Variants in ARFGEF3 observed in about 807,000 individuals in gnomAD.
ARFGEF3 encodes ARFGEF family member 3, also known as brefeldin A-inhibited guanine nucleotide-exchange protein 3.
Under a neutral mutation model 221.7 loss-of-function variants are expected in ARFGEF3, and 96 were observed. That is an observed-to-expected ratio of 0.43 (90% CI 0.37 to 0.51). The LOEUF (loss-of-function observed/expected upper bound fraction) is 0.51, where lower values mean the gene tolerates loss of function less well. ARFGEF3 is among the 20% of genes least tolerant of loss of function. The pLI is 0.00. For missense variants in ARFGEF3, 2,410 were observed against 2,789.9 expected (o/e 0.86, Z 3.07); for synonymous variants, 1,145 against 1,126.8 (o/e 1.02, Z -0.32).
chr6:138,334,865 G>A lies in ARFGEF3; in HGVS notation c.6019G>A (p.Glu2007Lys), dbSNP rs1208793629. 3.1e-6 allele frequency: 5 copies of A among 1,593,580 alleles called. No individual in the cohort carries two copies. The highest frequency in any genetic ancestry group is 4.3e-6 in the Non-Finnish European group (5 of 1,170,700). Residue 2007 changes from glutamate to lysine, a missense_variant, in exon 33 of 34, where the codon GAG (glutamate) becomes AAG (lysine). This residue lies in a region of ARFGEF3 where 339 missense variants were observed against 334.9 expected (regional missense o/e 1.01). Transcript: ENST00000251691. This position sits in a 1 kb window ranked among gnomAD's most constrained non-coding sequence, Gnocchi z 5.1. ...KDPSRKKEWW[E>K]NAGNKIYTMA... is the part of the protein sequence containing the mutation. ...TCCCAGCCGGAAGAAGGAGTGGTGGGAGAATGCGGGGAACAAAATCTACAC... is the reference window on the plus strand; with the variant it reads ...TCCCAGCCGGAAGAAGGAGTGGTGGAAGAATGCGGGGAACAAAATCTACAC...
At chr6:138,193,227 TTTC>T (rs1198189002) in intron 2 of ARFGEF3, among the ~76,000 whole-genome samples, 1 of 152,196 alleles carries the variant, frequency 6.6e-6, no homozygotes, top group Non-Finnish European at 1.5e-5. Flanking sequence ...GGAATGTCCT[TTTC>T]TTCTTCACTG....
At chr6:138,220,788 G>A (rs1043205894) in intron 4 of ARFGEF3, among the ~76,000 whole-genome samples, 9 of 152,006 alleles carry the variant, frequency 5.9e-5, no homozygotes, top group Admixed American at 2.0e-4. Context: ...TAATCAACAC[G>A]TAACTGACCA....
At chr6:138,191,756 G>C (rs1326841205) in intron 2 of ARFGEF3, among the ~76,000 whole-genome samples, 1 of 152,122 alleles carries the variant, frequency 6.6e-6, no homozygotes, top group Non-Finnish European at 1.5e-5. Flanking sequence ...CCTCAAAACT[G>C]TTCTTTCAGG....
chr6:138,319,109 G>A (rs1397068555), intron 27 of ARFGEF3, among the ~76,000 whole-genome samples: 1 of 148,532 alleles, frequency 6.7e-6, no homozygotes, highest in East Asian at 2.0e-4. Flanking sequence ...ACTCCACAAT[G>A]CCCAGCTAAT....
chr6:138,224,800 CA>C (rs1241888812), intron 4 of ARFGEF3, among the ~76,000 whole-genome samples: 1 of 152,104 alleles, frequency 6.6e-6, no homozygotes, highest in Non-Finnish European at 1.5e-5. Context: ...TAAACTGTTC[CA>C]AATAAGTGCT....
intron 4 of ARFGEF3, among the ~76,000 whole-genome samples, chr6:138,228,261 C>T (rs1157128571): frequency 2.0e-5 from 3 of 148,746 alleles, no homozygotes; most frequent in Non-Finnish European, 4.5e-5. Flanking sequence ...ACTGCAACCT[C>T]CGCCTCCCGG....
At chr6:138,223,980 G>T (rs1316132814) in intron 4 of ARFGEF3, among the ~76,000 whole-genome samples, 1 of 152,142 alleles carries the variant, frequency 6.6e-6, no homozygotes, top group Non-Finnish European at 1.5e-5. Context: ...GCTGGATGTG[G>T]CCTCTAGCAA....
chr6:138,219,172 C>T (rs147952800), intron 4 of ARFGEF3, among the ~76,000 whole-genome samples: 4 of 152,136 alleles, frequency 2.6e-5, no homozygotes, highest in Non-Finnish European at 4.4e-5. Flanking sequence ...GGCAGAACAT[C>T]CTTTTAAGGA....
intron 2 of ARFGEF3, among the ~76,000 whole-genome samples, chr6:138,184,028 G>A (rs1777133020): frequency 6.6e-6 from 1 of 152,190 alleles, no homozygotes; most frequent in African/African-American, 2.4e-5. Flanking sequence ...GTGCGTTACT[G>A]ATGTGGACTG....
chr6:138,170,798 T>C (rs1776814916), intron 2 of ARFGEF3, 85 bp downstream of exon 2: 5 of 793,640 alleles, frequency 6.3e-6, no homozygotes, highest in Non-Finnish European at 2.2e-6. Context: ...ACAGTGTGTC[T>C]TAGTTTGTTT....
intron 5 of ARFGEF3, among the ~76,000 whole-genome samples, chr6:138,235,030 A>G (rs1035725438): frequency 2.0e-5 from 3 of 152,216 alleles, no homozygotes; most frequent in Non-Finnish European, 2.9e-5. Flanking sequence ...ATATGTATAT[A>G]TATAGCTACG....
intron 25 of ARFGEF3, among the ~76,000 whole-genome samples, chr6:138,312,295 C>T (rs530360539): frequency 7.3e-4 from 111 of 152,220 alleles, no homozygotes; most frequent in African/African-American, 2.5e-3. Context: ...CAGTGACACC[C>T]CTCTCTCAAT....
chr6:138,324,237 C>A (rs1033092217), intron 31 of ARFGEF3, 83 bp downstream of exon 31: 3 of 1,498,650 alleles, frequency 2.0e-6, no homozygotes, highest in Non-Finnish European at 2.7e-6. Flanking sequence ...TCTCGCATCA[C>A]CAAATTGCCT....
intron 6 of ARFGEF3, 111 bp downstream of exon 6, chr6:138,238,742 G>C: frequency 1.0e-6 from 1 of 988,008 alleles, no homozygotes; most frequent in Non-Finnish European, 1.5e-6. Context: ...AGTAGGAAGA[G>C]CTTGCTTGTT....
intron 5 of ARFGEF3, among the ~76,000 whole-genome samples, chr6:138,237,069 A>G (rs1194950064): frequency 6.6e-6 from 1 of 151,798 alleles, no homozygotes; most frequent in Non-Finnish European, 1.5e-5. Context: ...AATAGGAGAT[A>G]AATTAAACTT....
intron 2 of ARFGEF3, among the ~76,000 whole-genome samples, chr6:138,188,067 G>T (rs140605733): frequency 1.3e-5 from 2 of 152,170 alleles, no homozygotes; most frequent in African/African-American, 4.8e-5. Context: ...TTGAGTATTT[G>T]TTTATTGAGA....
At chr6:138,326,378 T>A (rs1412297510) in intron 31 of ARFGEF3, among the ~76,000 whole-genome samples, 1 of 151,894 alleles carries the variant, frequency 6.6e-6, no homozygotes, top group African/African-American at 2.4e-5. Context: ...AGCCCAGGAG[T>A]GCAAGACCAG....
At chr6:138,295,491 G>A (rs1425646260) in intron 20 of ARFGEF3, among the ~76,000 whole-genome samples, 1 of 151,556 alleles carries the variant, frequency 6.6e-6, no homozygotes, top group East Asian at 1.9e-4. Context: ...TTAGCCGGGT[G>A]TCATGGCATG....
chr6:138,306,152 T>C (rs540990518), intron 22 of ARFGEF3, among the ~76,000 whole-genome samples: 3 of 152,106 alleles, frequency 2.0e-5, no homozygotes, highest in African/African-American at 7.2e-5. Flanking sequence ...CATACTAAAA[T>C]CAACTGAATT....
Sources: allele counts gnomAD v4.1 joint callset (sites outside exome capture counted in the v4.1 genomes callset), GRCh38; gene constraint gnomAD v4.1.1; regional missense constraint gnomAD v4.1.1; non-coding constraint Gnocchi (gnomAD v3.1); transcripts MANE v1.5; gene names NCBI Gene and HGNC (gene_info 2026-07-23, HGNC 2026-07-21).